Variants in PLA2G6 observed in about 807,000 individuals in gnomAD.
PLA2G6 encodes the protein 85/88 kDa calcium-independent phospholipase A2.
Under a neutral mutation model 83.8 loss-of-function variants are expected in PLA2G6, and 62 were observed. The observed-to-expected ratio is 0.74, with a 90% CI of 0.60 to 0.91. The LOEUF (loss-of-function observed/expected upper bound fraction) is 0.91, where lower values mean the gene tolerates loss of function less well. Ranked by LOEUF, PLA2G6 falls within the 40% of genes least tolerant of loss-of-function variation. PLA2G6 has a pLI of 0.00. For synonymous variants in PLA2G6, 417 were observed against 449.8 expected (o/e 0.93, Z 0.92); for missense variants, 944 against 1,102.0 (o/e 0.86, Z 2.03).
chr22:38,147,746 T>G (rs2089344311), intron 2 of PLA2G6: 1 of 152,148 alleles, frequency 6.6e-6, no homozygotes, highest in Admixed American at 6.5e-5. Context: ...GGCACAGGGT[T>G]TCGCCATGTT....
intron 4 of PLA2G6, 67 bp from the exon 5 acceptor site, chr22:38,140,236 A>C: frequency 6.8e-7 from 1 of 1,460,672 alleles, no homozygotes; most frequent in Non-Finnish European, 9.5e-7. Flanking sequence ...GGCCGGGCGC[A>C]GTGGCTCATG....
At chr22:38,133,108 T>A (rs1404099912) in intron 6 of PLA2G6, 95 bp from the exon 7 acceptor site, 1 of 1,152,628 alleles carries the variant, frequency 8.7e-7, no homozygotes, top group Admixed American at 2.0e-5. Flanking sequence ...CTGAGAGGCC[T>A]ACAGGTACTG....
At chr22:38,121,638 C>G (rs1170279406) in intron 11 of PLA2G6, among the ~76,000 whole-genome samples, 2 of 152,184 alleles carry the variant, frequency 1.3e-5, no homozygotes, top group East Asian at 1.9e-4. Context: ...CAGAGGGTAG[C>G]TGAAAGGAGG....
Position 38,169,330 on chromosome 22 carries a change from T to C in PLA2G6, c.97A>G (p.Thr33Ala). 3 of 1,614,110 alleles carry C rather than the reference T, an allele frequency of 1.9e-6. No individual in the cohort carries two copies. ...TCCTCCCGAACTCGGTCACTCGAGG[T>C]GTAGTCGGCCACAGCCACCTCCTTC... ...RVKEVAVADY[T>A]SSDRVREEGQ... The change falls in exon 2 of 17, where the codon ACC becomes GCC. Residue 33 changes from threonine to alanine, a missense_variant. Transcript: ENST00000332509.
At chr22:38,180,080 C>T (rs866049198) in intron 1 of PLA2G6, among the ~76,000 whole-genome samples, 4 of 151,800 alleles carry the variant, frequency 2.6e-5, no homozygotes, top group Non-Finnish European at 5.9e-5. Flanking sequence ...CTCTTCACTA[C>T]GGCCCCTTAC....
At position 38,117,267 on chromosome 22, in the gene PLA2G6, C is replaced by T. The variant is rs113250244; in HGVS notation, c.1743-1056G>A. Among the ~76,000 whole-genome samples the T allele has an allele frequency of 4.3e-4, 66 of 152,276 alleles. No individual in the cohort carries two copies. In the East Asian group the frequency reaches 0.011, roughly 25 times the overall value. On this transcript the variant is annotated intron_variant, in intron 12 of 16. Transcript: ENST00000332509. ...TGTTGCCCAGGCTGTAGTACAGTGG[C>T]GCAATCTCGGCTCACTGCAAGATCT... is the stretch of plus-strand genomic sequence containing the variant.
At chr22:38,175,383 G>A (rs555338675) in intron 1 of PLA2G6, among the ~76,000 whole-genome samples, 23 of 152,150 alleles carry the variant, frequency 1.5e-4, no homozygotes, top group Admixed American at 5.9e-4. Context: ...GGCCAGTGGC[G>A]CCCCATGACC....
intron 2 of PLA2G6, chr22:38,148,716 G>A (rs2089404576): frequency 1.7e-6 from 1 of 583,040 alleles, no homozygotes; most frequent in African/African-American, 1.9e-5. Context: ...GCCATACACA[G>A]ACACGCTCTC....
intron 3 of PLA2G6, chr22:38,144,702 G>A (rs1451501255): frequency 1.3e-5 from 2 of 150,436 alleles, no homozygotes; most frequent in South Asian, 2.0e-4. Context: ...CAGCTATTCC[G>A]GAGGCTGAGG....
At chr22:38,133,069 C>A in intron 6 of PLA2G6, 56 bp from the exon 7 acceptor site, 1 of 1,498,388 alleles carries the variant, frequency 6.7e-7, no homozygotes, top group Non-Finnish European at 9.0e-7. Flanking sequence ...TGCCGCACCC[C>A]GGGACACGTG....
intron 13 of PLA2G6, 25 bp downstream of exon 13, chr22:38,116,050 T>C (rs2087174202): frequency 1.9e-6 from 3 of 1,611,806 alleles, no homozygotes; most frequent in Non-Finnish European, 2.5e-6. Context: ...TCGCTTCCCA[T>C]GGATGCATCA....
intron 6 of PLA2G6, chr22:38,133,418 AG>A: frequency 4.4e-6 from 1 of 226,910 alleles, no homozygotes; most frequent in South Asian, 6.9e-5. Flanking sequence ...CCTTGGGAAC[AG>A]GGAGGGGAGC....
chr22:38,164,171 C>T (rs1259639506), intron 2 of PLA2G6, among the ~76,000 whole-genome samples: 1 of 152,118 alleles, frequency 6.6e-6, no homozygotes, highest in East Asian at 1.9e-4. Flanking sequence ...TACAAGTGAC[C>T]CCTGGGGGCT....
Position 38,143,036 on chromosome 22 carries a change from G to A in PLA2G6, c.609+69C>T. 3 of 1,460,586 alleles carry A rather than the reference G, an allele frequency of 2.1e-6. No individual in the cohort carries two copies. In the South Asian group the frequency reaches 3.4e-5, roughly 17 times the overall value. 90.5% of individuals were successfully genotyped at this position (1,460,586 alleles called of 1,614,324 possible). On this transcript the variant is annotated intron_variant, in intron 4 of 16. Coordinates refer to ENST00000332509, the MANE Select transcript of PLA2G6 (RefSeq NM_003560.4). ...GGCCTGAGAGTGACACCTGAGCCTA[G>A]GGGCCCAAAGGGAACCGTGGACACC...
intron 9 of PLA2G6, among the ~76,000 whole-genome samples, chr22:38,127,651 C>G (rs1049654354): frequency 6.6e-6 from 1 of 152,168 alleles, no homozygotes; most frequent in Admixed American, 6.5e-5. Flanking sequence ...CCTGGCTGCC[C>G]TCTGTTCAGG....
chr22:38,129,064 T>C (rs1341991889), intron 8 of PLA2G6, among the ~76,000 whole-genome samples: 1 of 152,240 alleles, frequency 6.6e-6, no homozygotes, highest in African/African-American at 2.4e-5. Context: ...CACACAGGCA[T>C]GCCCAGAGCT....
chr22:38,148,291 A>G (rs2284063), intron 2 of PLA2G6: 202,439 of 530,902 alleles, frequency 0.38, 39,957 homozygotes, highest in African/African-American at 0.49. Context: ...AAAGGAAAGG[A>G]TAGCGAATGG....
chr22:38,148,582 A>C, intron 2 of PLA2G6: 1 of 717,082 alleles, frequency 1.4e-6, no homozygotes, highest in Non-Finnish European at 2.6e-6. Flanking sequence ...CACCAGTAAC[A>C]GCCTCATGGG....
At chr22:38,142,957 C>G (rs1218047095) in intron 4 of PLA2G6, 148 bp downstream of exon 4, 28 of 800,108 alleles carry the variant, frequency 3.5e-5, no homozygotes, top group Middle Eastern at 2.8e-4. Context: ...AGGGAGGGGT[C>G]TGCACCCTCC....
Sources: allele counts gnomAD v4.1 joint callset (sites outside exome capture counted in the v4.1 genomes callset), GRCh38; gene constraint gnomAD v4.1.1; transcripts MANE v1.5; gene names NCBI Gene and HGNC (gene_info 2026-07-23, HGNC 2026-07-21).